Variants in ANKFN1 observed in about 807,000 individuals in gnomAD.
ANKFN1 encodes ankyrin repeat and fibronectin type III domain containing 1, also known as ankyrin repeat and fibronectin type-III domain-containing protein 1.
A neutral mutation model predicts 108.7 loss-of-function variants in ANKFN1; 74 were observed. The observed-to-expected ratio is 0.68, with a 90% confidence interval of 0.56 to 0.83. ANKFN1 has a LOEUF of 0.83. Ranked by LOEUF, ANKFN1 falls within the 40% of genes least tolerant of loss-of-function variation. The pLI is 0.00. For synonymous variants in ANKFN1, 547 were observed against 516.2 expected, an observed-to-expected ratio of 1.06 and a Z score of -0.81; for missense variants, 1,505 against 1,382.3, an observed-to-expected ratio of 1.09 and a Z score of -1.41.
At chr17:56,119,042 T>G (rs1906445711) in intron 4 of ANKFN1, among the ~76,000 whole-genome samples, 1 of 152,104 alleles carries the variant, frequency 6.6e-6, no homozygotes, top group Admixed American at 6.6e-5. Context: ...GAAAAAAATA[T>G]GATTTCTATT....
chr17:56,488,844 G>A (rs745686274), intron 18 of ANKFN1, among the ~76,000 whole-genome samples: 3 of 152,212 alleles, frequency 2.0e-5, no homozygotes. Flanking sequence ...TTCCAGTCCT[G>A]TTCTAATATT....
At chr17:56,494,377 G>T (rs533779175) in intron 19 of ANKFN1, among the ~76,000 whole-genome samples, 1 of 152,108 alleles carries the variant, frequency 6.6e-6, no homozygotes, top group African/African-American at 2.4e-5. Context: ...AAGGAAGAGT[G>T]TAGCATGAGG....
At chr17:56,353,411 A>AT (rs1312486560) in intron 5 of ANKFN1, among the ~76,000 whole-genome samples, 1 of 151,786 alleles carries the variant, frequency 6.6e-6, no homozygotes, top group Non-Finnish European at 1.5e-5. Flanking sequence ...TAATTTTTAT[A>AT]TTTTTTGTAG....
chr17:56,332,116 A>C (rs1324312961), intron 4 of ANKFN1, among the ~76,000 whole-genome samples: 3 of 152,138 alleles, frequency 2.0e-5, no homozygotes, highest in Non-Finnish European at 2.9e-5. Flanking sequence ...AAGCAAAGCG[A>C]AGGCCTCCAT....
chr17:56,087,266 T>A (rs752736543), intron 4 of ANKFN1, among the ~76,000 whole-genome samples: 3 of 151,328 alleles, frequency 2.0e-5, no homozygotes, highest in Non-Finnish European at 1.5e-5. Flanking sequence ...GTCACTGACA[T>A]GACCTGGATT....
Position 56,450,089 on chromosome 17 carries a change from A to T in ANKFN1, c.1207+903A>T, listed in dbSNP as rs1222082310. 2.6e-5 allele frequency among the ~76,000 whole-genome samples: 4 copies of T among 152,128 alleles called. No individual in the cohort carries two copies. In the East Asian group the frequency reaches 7.7e-4, roughly 29 times the overall value. On this transcript the variant is annotated intron_variant, in intron 11 of 20. Transcript: ENST00000682825. Reference sequence around the variant, plus strand: ...TTTTCCATGCCCCCATCAGATCTCTAACTCCATTGTGCGCTGTAGATTTAG... The same window carrying T: ...TTTTCCATGCCCCCATCAGATCTCTTACTCCATTGTGCGCTGTAGATTTAG...
At chr17:56,162,365 A>G (rs1909738179) in intron 1 of ANKFN1, among the ~76,000 whole-genome samples, 1 of 152,172 alleles carries the variant, frequency 6.6e-6, no homozygotes, top group African/African-American at 2.4e-5. Context: ...CAAGGTGTCA[A>G]GAGGGTTGGT....
At chr17:56,183,364 A>T (rs1230109026) in intron 1 of ANKFN1, among the ~76,000 whole-genome samples, 2 of 152,176 alleles carry the variant, frequency 1.3e-5, no homozygotes, top group Non-Finnish European at 2.9e-5. Context: ...TTAGCCAGTG[A>T]TATAGTTTGG....
chr17:56,391,242 T>C (rs2047421048), intron 8 of ANKFN1, among the ~76,000 whole-genome samples: 1 of 33,836 alleles, frequency 3.0e-5, no homozygotes, highest in Admixed American at 8.3e-4. Context: ...TATATATATA[T>C]ATATATGTAT....
At chr17:56,073,951 T>TG (rs1275946570) in intron 4 of ANKFN1, among the ~76,000 whole-genome samples, 1 of 152,242 alleles carries the variant, frequency 6.6e-6, no homozygotes, top group Non-Finnish European at 1.5e-5. Context: ...TTGTGTTACT[T>TG]GAGCATTTGT....
At chr17:56,099,742 G>A (rs1163146354) in intron 4 of ANKFN1, among the ~76,000 whole-genome samples, 3 of 152,218 alleles carry the variant, frequency 2.0e-5, no homozygotes, top group Non-Finnish European at 2.9e-5. Context: ...CTTCATTAGA[G>A]AGACAGAAGA....
At chr17:56,450,800 T>C (rs1020828443) in intron 11 of ANKFN1, among the ~76,000 whole-genome samples, 1 of 152,206 alleles carries the variant, frequency 6.6e-6, no homozygotes, top group African/African-American at 2.4e-5. Flanking sequence ...AAACTACTCA[T>C]GAGAATGAGA....
intron 4 of ANKFN1, among the ~76,000 whole-genome samples, chr17:56,140,000 T>C (rs1457177385): frequency 2.0e-5 from 3 of 152,234 alleles, no homozygotes. Flanking sequence ...TAATTGTTCC[T>C]AAATCTATAA....
At chr17:56,226,741 C>T (rs1916306708) in intron 2 of ANKFN1, among the ~76,000 whole-genome samples, 1 of 152,126 alleles carries the variant, frequency 6.6e-6, no homozygotes. Context: ...GGAGAGAGTG[C>T]TGGAGAGAGG....
chr17:56,496,411 A>T (rs1471203495), intron 19 of ANKFN1, among the ~76,000 whole-genome samples: 1 of 152,180 alleles, frequency 6.6e-6, no homozygotes, highest in Non-Finnish European at 1.5e-5. Context: ...GCTTAAAATA[A>T]CAGAAATGTA....
intron 3 of ANKFN1, among the ~76,000 whole-genome samples, chr17:56,277,715 C>T (rs761878525): frequency 9.2e-5 from 14 of 152,166 alleles, no homozygotes; most frequent in Admixed American, 2.6e-4. Flanking sequence ...TGCAACCCTT[C>T]AGAGTTTGAG....
intron 3 of ANKFN1, among the ~76,000 whole-genome samples, chr17:56,279,725 C>A (rs1253671495): frequency 6.6e-6 from 1 of 152,106 alleles, no homozygotes; most frequent in Non-Finnish European, 1.5e-5. Context: ...TTGGAAGCTG[C>A]AGTGGTTGTT....
chr17:56,207,852 G>C (rs1465647991), intron 1 of ANKFN1, among the ~76,000 whole-genome samples: 1 of 152,068 alleles, frequency 6.6e-6, no homozygotes, highest in Non-Finnish European at 1.5e-5. Context: ...TAGATGTGAA[G>C]CCAGTAACTT....
chr17:56,107,369 C>G (rs963987297), intron 4 of ANKFN1, among the ~76,000 whole-genome samples: 1 of 152,148 alleles, frequency 6.6e-6, no homozygotes, highest in African/African-American at 2.4e-5. Flanking sequence ...AGGCCAATCG[C>G]TAGACCATCA....
Sources: gnomAD v4.1 joint callset for allele counts (sites outside exome capture counted in the v4.1 genomes callset) on GRCh38, gnomAD v4.1.1 for gene constraint, MANE v1.5 for transcripts, NCBI Gene and HGNC (gene_info 2026-07-23, HGNC 2026-07-21) for gene names.